The following RFX4 variants were observed in gnomAD, a reference collection of about 807,000 sequenced individuals.
RFX4 encodes the protein transcription factor RFX4.
In RFX4, 10 loss-of-function variants were observed where a neutral mutation model predicts 95.0. That is an observed-to-expected ratio of 0.11 (90% CI 0.06 to 0.18). RFX4 has a LOEUF of 0.18. Ranked by LOEUF, RFX4 falls within the 10% of genes least tolerant of loss-of-function variation. The pLI is 1.00. For synonymous variants in RFX4, 321 were observed against 340.7 expected (o/e 0.94, Z 0.64); for missense variants, 640 against 922.0 (o/e 0.69, Z 3.96).
At chr12:106,684,797 A>G in intron 5 of RFX4, 1 of 1,548,154 alleles carries the variant, frequency 6.5e-7, no homozygotes, top group Non-Finnish European at 8.8e-7. Flanking sequence ...GAATTTTCTG[A>G]TAACCATACT....
intron 10 of RFX4, among the ~76,000 whole-genome samples, chr12:106,713,631 G>C (rs541638283): frequency 7.2e-5 from 11 of 152,086 alleles, no homozygotes; most frequent in Admixed American, 1.3e-4. Context: ...AGAAGCGATC[G>C]GATAACAGTA....
At chr12:106,752,594 T>A (rs1012395114) in intron 17 of RFX4, among the ~76,000 whole-genome samples, 7 of 152,170 alleles carry the variant, frequency 4.6e-5, no homozygotes, top group African/African-American at 1.4e-4. Context: ...CAGACCCTCA[T>A]GGAGTCTTGT....
At chr12:106,592,124 T>C (rs2039556667) in intron 1 of RFX4, among the ~76,000 whole-genome samples, 1 of 152,090 alleles carries the variant, frequency 6.6e-6, no homozygotes, top group Non-Finnish European at 1.5e-5. Flanking sequence ...AAGGCAGATA[T>C]TATTATTATT....
At chr12:106,668,036 C>T (rs2041211688) in intron 4 of RFX4, among the ~76,000 whole-genome samples, 2 of 152,274 alleles carry the variant, frequency 1.3e-5, no homozygotes, top group South Asian at 2.1e-4. Context: ...AAGATGTCCC[C>T]CCCATGCCTC....
chr12:106,612,849 AAAG>A (rs2039991058), intron 2 of RFX4, among the ~76,000 whole-genome samples: 1 of 152,206 alleles, frequency 6.6e-6, no homozygotes, highest in Admixed American at 6.5e-5. Flanking sequence ...AAAAAAAAAA[AAAG>A]ATGATTTCAT....
intron 4 of RFX4, among the ~76,000 whole-genome samples, chr12:106,657,280 T>A (rs1370361913): frequency 6.6e-6 from 1 of 152,228 alleles, no homozygotes; most frequent in Non-Finnish European, 1.5e-5. Flanking sequence ...TCAGCTTAGC[T>A]TTTGGAGAAC....
At chr12:106,656,778 C>T (rs1244712787) in intron 4 of RFX4, among the ~76,000 whole-genome samples, 1 of 152,130 alleles carries the variant, frequency 6.6e-6, no homozygotes, top group Admixed American at 6.5e-5. Context: ...CATCTATGCC[C>T]ATAGAGGTAC....
rs78103452 is a variant in RFX4, at chr12:106,703,194, G to T, written c.834-6136G>T. Among the ~76,000 whole-genome samples the T allele has an allele frequency of 3.4e-3, 521 of 152,194 alleles. 3 individuals carry two copies. The highest frequency in any genetic ancestry group is 0.012 in the African/African-American group (506 of 41,512). ...GTGCCTTTCTTTCCATAAATTCCAG[G>T]CTACATGATTGTGACCTCAGCTCTC... On this transcript the variant is annotated intron_variant, in intron 8 of 17. Coordinates refer to ENST00000392842, the MANE Select transcript of RFX4 (RefSeq NM_213594.3).
intron 1 of RFX4, among the ~76,000 whole-genome samples, chr12:106,605,437 G>C (rs2039809309): frequency 6.6e-6 from 1 of 152,214 alleles, no homozygotes; most frequent in East Asian, 1.9e-4. Context: ...AGGTCAAAGT[G>C]CACCTGCAGA....
intron 2 of RFX4, among the ~76,000 whole-genome samples, chr12:106,618,317 T>C (rs1009413831): frequency 1.3e-5 from 2 of 152,140 alleles, no homozygotes; most frequent in African/African-American, 4.8e-5. Flanking sequence ...TTATTGTTGC[T>C]ATTGTTTGTT....
At chr12:106,613,936 G>A (rs536350018) in intron 2 of RFX4, among the ~76,000 whole-genome samples, 8 of 152,184 alleles carry the variant, frequency 5.3e-5, no homozygotes, top group East Asian at 1.9e-4. Context: ...AGATACTGCC[G>A]AAACAGTTTT....
rs1206078937 is a variant in RFX4, at chr12:106,696,209, TTGG to T, written c.670-70_670-68del. 7.7e-6 allele frequency: 12 copies of T among 1,563,618 alleles called. No individual in the cohort carries two copies. In the South Asian group the frequency reaches 1.0e-4, roughly 14 times the overall value. ...GACAGCATTGTAGACTGGGTTGGCC[TTGG>T]TGGAGTCCCAAGCTTCTGTTGGGAG... On this transcript the variant is annotated intron_variant, in intron 7 of 17. Coordinates refer to ENST00000392842, the MANE Select transcript of RFX4 (RefSeq NM_213594.3).
intron 3 of RFX4, among the ~76,000 whole-genome samples, chr12:106,653,982 G>A (rs2040906864): frequency 6.6e-6 from 1 of 152,168 alleles, no homozygotes; most frequent in Non-Finnish European, 1.5e-5. Flanking sequence ...AGAGGATCTG[G>A]GAATTTGGGC....
At chr12:106,713,395 T>C (rs988136976) in intron 10 of RFX4, among the ~76,000 whole-genome samples, 12 of 151,998 alleles carry the variant, frequency 7.9e-5, no homozygotes, top group South Asian at 2.1e-4. Context: ...GGAAAAAAAA[T>C]TAAAAGTGTT....
intron 4 of RFX4, among the ~76,000 whole-genome samples, chr12:106,675,863 C>T (rs778075103): frequency 9.2e-5 from 14 of 152,032 alleles, no homozygotes; most frequent in Non-Finnish European, 2.9e-5. Flanking sequence ...TCCGTATGGC[C>T]GGAGCACAGG....
chr12:106,748,990 CAGG>C (rs1195964528), intron 16 of RFX4, among the ~76,000 whole-genome samples: 1 of 151,378 alleles, frequency 6.6e-6, no homozygotes, highest in Non-Finnish European at 1.5e-5. Flanking sequence ...GAGGCTGCGG[CAGG>C]AGAATTGCTT....
chr12:106,670,510 T>TTGAAGAA (rs1464811387), intron 4 of RFX4, among the ~76,000 whole-genome samples: 1 of 152,214 alleles, frequency 6.6e-6, no homozygotes, highest in Admixed American at 6.5e-5. Context: ...GCCCTGGGGC[T>TTGAAGAA]TTTCAAAGAA....
intron 1 of RFX4, among the ~76,000 whole-genome samples, chr12:106,588,112 G>T (rs1212993074): frequency 1.3e-5 from 2 of 152,082 alleles, no homozygotes; most frequent in Non-Finnish European, 2.9e-5. Context: ...ATATGAGCTG[G>T]TTACCACTAT....
chr12:106,589,124 C>A (rs2039503143), intron 1 of RFX4, among the ~76,000 whole-genome samples: 1 of 152,124 alleles, frequency 6.6e-6, no homozygotes, highest in Admixed American at 6.5e-5. Context: ...TTTTTAACCT[C>A]TTCCACTCTA....
Sources: gnomAD v4.1 joint callset for allele counts (sites outside exome capture counted in the v4.1 genomes callset) on GRCh38, gnomAD v4.1.1 for gene constraint, MANE v1.5 for transcripts, NCBI Gene and HGNC (gene_info 2026-07-23, HGNC 2026-07-21) for gene names.